CLCNKA: variants seen among roughly 807,000 people sequenced by gnomAD.
CLCNKA encodes the protein chloride voltage-gated channel Ka.
A neutral mutation model predicts 83.3 loss-of-function variants in CLCNKA; 66 were observed. The observed-to-expected ratio is 0.79, with a 90% CI of 0.65 to 0.97. The LOEUF (loss-of-function observed/expected upper bound fraction) is 0.97. CLCNKA is among the 50% of genes least tolerant of loss of function. The probability of loss-of-function intolerance (pLI) is 0.00; values close to 1 mark genes in which losing one functional copy is unlikely to be tolerated. For missense variants in CLCNKA, 806 were observed against 888.7 expected, an observed-to-expected ratio of 0.91 and a Z score of 1.18; for synonymous variants, 357 against 370.4, an observed-to-expected ratio of 0.96 and a Z score of 0.42.
At chr1:16,030,930 C>T (rs2022599644) in intron 15 of CLCNKA, among the ~76,000 whole-genome samples, 1 of 152,154 alleles carries the variant, frequency 6.6e-6, no homozygotes, top group Non-Finnish European at 1.5e-5. Context: ...TGAGTATTGC[C>T]CCGTGTACAG....
In CLCNKA at chr1:16,027,859, G is replaced by A. The variant is rs368824021; in HGVS notation, c.820G>A (p.Asp274Asn). 91 of 1,613,126 alleles carry A rather than the reference G, an allele frequency of 5.6e-5. No homozygotes were observed. In the Admixed American group the frequency reaches 6.0e-4, roughly 11 times the overall value. ...TSLYKTSFRV[D>N]VPFDLPEIFF... ...CCTCTACAAGACCAGTTTCCGGGTG[G>A]ACGTTCCCTTCGACCTGCCTGAGAT... Residue 274 changes from aspartate (D) to asparagine (N), a missense_variant, in exon 9 of 20, where the codon GAC becomes AAC. Coordinates refer to ENST00000331433, the MANE Select transcript of CLCNKA (RefSeq NM_004070.4).
At chr1:16,031,957 C>T (rs549672010) in intron 16 of CLCNKA, 114 bp downstream of exon 16, 14 of 1,558,164 alleles carry the variant, frequency 9.0e-6, no homozygotes, top group Admixed American at 3.6e-5. Flanking sequence ...AGCAACCAAC[C>T]GTGTGACCTT....
rs1427934381 is a variant in CLCNKA, at chr1:16,024,868, A to T, written c.335A>T (p.Gln112Leu). 6.2e-7 allele frequency: 1 copy of T among 1,613,998 alleles called. No individual in the cohort carries two copies. Among genetic ancestry groups the T allele is most frequent in the Non-Finnish European group, 8.5e-7 (1 of 1,180,020 alleles). The change falls in exon 4 of 20, where the codon CAG becomes CTG. Residue 112 changes from glutamine to leucine, a missense_variant. By Grantham distance (113) the Gln-to-Leu change is moderately radical. Coordinates refer to ENST00000331433, the MANE Select transcript of CLCNKA (RefSeq NM_004070.4). ...GTCTCTTTCTCCTCAGGCTTCTCCC[A>T]GAGCATCACGCCCTCCTCTGGAGGT... is the stretch of plus-strand genomic sequence containing the variant. ...ALVSFSSGFS[Q>L]SITPSSGGSG...
intron 1 of CLCNKA, among the ~76,000 whole-genome samples, chr1:16,022,328 C>A (rs2022162991): frequency 6.6e-6 from 1 of 152,112 alleles, no homozygotes; most frequent in East Asian, 1.9e-4. Flanking sequence ...GTAGTGGAAG[C>A]ACCAAGCGAC....
chr1:16,030,970 C>T lies in CLCNKA; in HGVS notation c.1622+296C>T, dbSNP rs182728806. On this transcript the variant is annotated intron_variant, in intron 15 of 19. Transcript: ENST00000331433. ...AGGAAACCAGAGCTCAGAGAGGTGC[C>T]GTGTCTTGCTCCAGGTGACACAGAG... 2.9e-4 allele frequency among the ~76,000 whole-genome samples: 44 copies of T among 152,274 alleles called. No individual in the cohort carries two copies. In the East Asian group the frequency reaches 4.2e-3, roughly 15 times the overall value.
chr1:16,026,817 T>C lies in CLCNKA; in HGVS notation c.655+42T>C, dbSNP rs746506653. The stretch of plus-strand genomic sequence containing the variant: ...GCCCCGCCCCCTGGGTCCCTCAAGC[T>C]CCTCCCCTCACACCCTGGGCTCCCT... On this transcript the variant is annotated intron_variant, in intron 7 of 19. Coordinates refer to ENST00000331433, the MANE Select transcript of CLCNKA (RefSeq NM_004070.4). 1.2e-4 allele frequency: 194 copies of C among 1,609,146 alleles called. 1 individual carries two copies. The highest frequency in any genetic ancestry group is 1.6e-4 in the Non-Finnish European group (185 of 1,176,358).
At chr1:16,031,900 C>T (rs1342836364) in intron 16 of CLCNKA, 57 bp downstream of exon 16, 1 of 1,611,590 alleles carries the variant, frequency 6.2e-7, no homozygotes, top group Non-Finnish European at 8.5e-7. Flanking sequence ...CTGCCTCCTT[C>T]TTGAACCTGT....
chr1:16,033,289 G>A (rs756701448), intron 19 of CLCNKA, 33 bp downstream of exon 19: 6 of 1,610,440 alleles, frequency 3.7e-6, no homozygotes, highest in South Asian at 1.1e-5. Flanking sequence ...GCAAAGCAGG[G>A]GACCCATGCC....
chr1:16,025,039 G>A, intron 4 of CLCNKA, 148 bp downstream of exon 4: 1 of 1,081,816 alleles, frequency 9.2e-7, no homozygotes, highest in Non-Finnish European at 1.4e-6. Flanking sequence ...CAGCAAGAAG[G>A]CCAGATCTTG....
chr1:16,032,925 G>A (rs2022689990), intron 18 of CLCNKA, among the ~76,000 whole-genome samples: 1 of 152,212 alleles, frequency 6.6e-6, no homozygotes, highest in African/African-American at 2.4e-5. Context: ...AGATGGCCCC[G>A]CCCCCTCTGT....
Position 16,028,086 on chromosome 1 carries a change from C to T in CLCNKA, c.935C>T (p.Thr312Ile), listed in dbSNP as rs138110172. 3,093 of 1,577,716 alleles carry T rather than the reference C, an allele frequency of 2.0e-3. 13 individuals are homozygous for T. Among genetic ancestry groups the T allele is most frequent in the Middle Eastern group, 8.8e-3 (53 of 6,020 alleles). ...CQRTFLSFIK[T>I]NRYSSKLLAT... is the part of the protein sequence containing the mutation. Reference sequence around the variant, plus strand: ...CGAACCTTCCTCAGCTTCATCAAGACCAATCGGTACAGCTCCAAACTGCTG... The same window carrying T: ...CGAACCTTCCTCAGCTTCATCAAGATCAATCGGTACAGCTCCAAACTGCTG... Residue 312 changes from threonine to isoleucine, a missense_variant, in exon 10 of 20, where the codon ACC becomes ATC. By Grantham distance (89) the Thr-to-Ile change is moderately conservative. Coordinates refer to ENST00000331433, the MANE Select transcript of CLCNKA (RefSeq NM_004070.4).
At chr1:16,027,165 C>A in intron 7 of CLCNKA, 145 bp from the exon 8 acceptor site, 3 of 1,238,080 alleles carry the variant, frequency 2.4e-6, no homozygotes, top group Admixed American at 2.0e-5. Flanking sequence ...AGGGCGCAAG[C>A]CCTGCCCTCC....
chr1:16,033,048 T>C (rs2022697058), intron 18 of CLCNKA, 122 bp from the exon 19 acceptor site: 2 of 1,032,722 alleles, frequency 1.9e-6, no homozygotes, highest in South Asian at 1.3e-5. Context: ...GGCCTGGGTC[T>C]GTTGCCTCCC....
Position 16,032,484 on chromosome 1 carries a change from A to C in CLCNKA, c.1887A>C (p.Glu629Asp). ...TCTTGGCCAGGGGCTGCCCCACGGA[A>C]CCAGTGACCCTGACGCTATTCTCAG... ...QDILARGCPTEPVTLTLFSET... is the reference protein window; with the variant it reads ...QDILARGCPTDPVTLTLFSET... The change falls in exon 18 of 20, where the codon GAA becomes GAC. Residue 629 changes from glutamate to aspartate, a missense_variant. Glu to Asp is a conservative substitution (Grantham distance 45). Transcript: ENST00000331433. The C allele has an allele frequency of 2.5e-6, 4 of 1,613,326 alleles. No homozygotes were observed. Among genetic ancestry groups the C allele is most frequent in the Non-Finnish European group, 3.4e-6 (4 of 1,179,960 alleles).
Position 16,023,799 on chromosome 1 carries a change from GGT to G in CLCNKA, c.102_103del (p.Gly35ProfsTer157). On this transcript the variant is annotated frameshift_variant and splice_region_variant, in exon 3 of 20. Transcript: ENST00000331433. LOFTEE classifies it high-confidence loss of function. The part of the protein sequence containing the change: ...PCPHIRRAIQ[G>X]GLEWLKQKVF... ...GCTGGGACTCCGATACCCTGCCCCA[GGT>G]GGCCTGGAGTGGCTAAAGCAGAAGG... The G allele has an allele frequency of 6.2e-7, 1 of 1,614,046 alleles. No individual in the cohort carries two copies. The highest frequency in any genetic ancestry group is 8.5e-7 in the Non-Finnish European group (1 of 1,179,934).
chr1:16,027,808 C>G lies in CLCNKA; in HGVS notation c.782-13C>G. On this transcript the variant is annotated splice_polypyrimidine_tract_variant and intron_variant, in intron 8 of 19. Coordinates refer to ENST00000331433, the MANE Select transcript of CLCNKA (RefSeq NM_004070.4). ...GAGCGCCATCTTGGCTCCCCACTGC[C>G]CTCCTTCCCCAGAGACCATCACCTC... is the stretch of plus-strand genomic sequence containing the variant. 6.2e-7 allele frequency: 1 copy of G among 1,605,722 alleles called. No homozygotes were observed. Among genetic ancestry groups the G allele is most frequent in the South Asian group, 1.1e-5 (1 of 90,722 alleles).
intron 1 of CLCNKA, among the ~76,000 whole-genome samples, 185 bp from the exon 2 acceptor site, chr1:16,022,428 C>T (rs185976079): frequency 2.0e-5 from 3 of 152,298 alleles, no homozygotes; most frequent in Admixed American, 2.0e-4. Context: ...ATGACACACA[C>T]AGGCACACAC....
intron 2 of CLCNKA, 38 bp from the exon 3 acceptor site, chr1:16,023,762 G>GC (rs752962798): frequency 3.4e-5 from 55 of 1,612,766 alleles, no homozygotes; most frequent in Non-Finnish European, 3.1e-5. Context: ...TGTGCCCCTT[G>GC]CCCCAACATA....
chr1:16,033,098 G>A lies in CLCNKA; in HGVS notation c.1930-72G>A, dbSNP rs1031861396. ...CCGCCCCTCTTCCTGGCTCAGAGGC[G>A]TGGCAGAGTGGGCCAGAGGGTGGGC... is the stretch of plus-strand genomic sequence containing the variant. On this transcript the variant is annotated intron_variant, in intron 18 of 19. Transcript: ENST00000331433. 4.5e-5 allele frequency: 67 copies of A among 1,490,424 alleles called. 1 individual carries two copies. Among genetic ancestry groups the A allele is most frequent in the Admixed American group, 2.0e-4 (12 of 59,852 alleles). The allele number at this position is 1,490,424 out of a possible 1,614,324, so 92.3% of individuals were successfully genotyped here.
Sources: allele counts gnomAD v4.1 joint callset (sites outside exome capture counted in the v4.1 genomes callset), GRCh38; gene constraint gnomAD v4.1.1; transcripts MANE v1.5; gene names NCBI Gene and HGNC (gene_info 2026-07-23, HGNC 2026-07-21).